SBF2: variants seen among roughly 807,000 people sequenced by gnomAD.
SBF2 encodes the protein SET binding factor 2, also known as myotubularin-related protein 13.
In SBF2, 112 loss-of-function variants were observed where a neutral mutation model predicts 225.2. The observed-to-expected ratio is 0.50, with a 90% confidence interval of 0.43 to 0.58. SBF2 has a LOEUF of 0.58. SBF2 is among the 20% of genes least tolerant of loss of function. The pLI is 0.00. For synonymous variants in SBF2, 763 were observed against 773.3 expected, an observed-to-expected ratio of 0.99 and a Z score of 0.22; for missense variants, 1,996 against 2,206.2, an observed-to-expected ratio of 0.90 and a Z score of 1.91.
At chr11:9,781,863 A>C (rs561079270) in intron 38 of SBF2, among the ~76,000 whole-genome samples, 1 of 152,354 alleles carries the variant, frequency 6.6e-6, no homozygotes, top group African/African-American at 2.4e-5. Flanking sequence ...TTGAAAATCA[A>C]ACAAATAAAT....
rs765023759 is a variant in SBF2, at chr11:9,993,112, A to G, written c.1054-9T>C. On this transcript the variant is annotated splice_polypyrimidine_tract_variant and intron_variant, in intron 10 of 39. Transcript: ENST00000256190. ...GCTCGCACCTCTTTATCCTAAAAATATAAGAAGAAATGTTAGGTAATTTAA... is the reference window on the plus strand; with the variant it reads ...GCTCGCACCTCTTTATCCTAAAAATGTAAGAAGAAATGTTAGGTAATTTAA... The G allele has an allele frequency of 2.5e-6, 4 of 1,577,844 alleles. No individual in the cohort carries two copies. The highest frequency in any genetic ancestry group is 1.7e-4 in the Middle Eastern group (1 of 6,010).
intron 2 of SBF2, among the ~76,000 whole-genome samples, chr11:10,088,151 G>C (rs1369541354): frequency 2.0e-5 from 3 of 151,762 alleles, no homozygotes; most frequent in African/African-American, 7.3e-5. Flanking sequence ...AGCCTCCTGA[G>C]TAGCTGAGAC....
At chr11:10,085,440 A>G (rs1052591042) in intron 2 of SBF2, among the ~76,000 whole-genome samples, 2 of 151,972 alleles carry the variant, frequency 1.3e-5, no homozygotes, top group Admixed American at 6.6e-5. Flanking sequence ...ATTTTATTTC[A>G]TGTACTAATT....
At chr11:10,288,305 G>T (rs760229389) in intron 1 of SBF2, among the ~76,000 whole-genome samples, 1 of 152,186 alleles carries the variant, frequency 6.6e-6, no homozygotes, top group Non-Finnish European at 1.5e-5. Context: ...GACAACAAAT[G>T]GAGGGTGAGC....
At chr11:9,905,017 C>A (rs962654482) in intron 16 of SBF2, among the ~76,000 whole-genome samples, 1 of 152,178 alleles carries the variant, frequency 6.6e-6, no homozygotes, top group African/African-American at 2.4e-5. Context: ...AAGCAAGACC[C>A]TGTCTCAAGA....
intron 1 of SBF2, among the ~76,000 whole-genome samples, chr11:10,223,942 T>C (rs558491292): frequency 3.3e-5 from 5 of 152,280 alleles, no homozygotes; most frequent in African/African-American, 1.2e-4. Context: ...TACTTCAGTA[T>C]ATTTTATGCA....
intron 19 of SBF2, 127 bp from the exon 20 acceptor site, chr11:9,853,839 T>C: frequency 1.1e-6 from 1 of 875,158 alleles, no homozygotes; most frequent in Non-Finnish European, 1.9e-6. Context: ...GAAGGCTCAC[T>C]TAACTCCATG....
At chr11:9,986,874 T>G (rs1427622937) in intron 13 of SBF2, among the ~76,000 whole-genome samples, 4 of 152,174 alleles carry the variant, frequency 2.6e-5, no homozygotes, top group African/African-American at 9.7e-5. Context: ...CCAATCCTTT[T>G]GACACTATTC....
intron 2 of SBF2, among the ~76,000 whole-genome samples, chr11:10,138,873 A>G (rs572284908): frequency 5.5e-4 from 83 of 152,292 alleles, no homozygotes; most frequent in Non-Finnish European, 8.8e-4. Flanking sequence ...TGTATTTACC[A>G]TGAACATTTG....
chr11:10,257,884 G>A (rs1486490995), intron 1 of SBF2, among the ~76,000 whole-genome samples: 2 of 151,866 alleles, frequency 1.3e-5, no homozygotes, highest in African/African-American at 4.8e-5. Flanking sequence ...TTGAGCCCAG[G>A]AGGCAGAGGT....
intron 27 of SBF2, among the ~76,000 whole-genome samples, chr11:9,830,943 C>T (rs2403222): frequency 0.53 from 80,634 of 151,970 alleles, 23,656 homozygotes; most frequent in Non-Finnish European, 0.67. Context: ...TCGGTGCTCC[C>T]AAAATCATTC....
intron 14 of SBF2, among the ~76,000 whole-genome samples, chr11:9,967,947 GTCTCTCTCTC>G (rs1214352340): frequency 5.0e-5 from 5 of 100,252 alleles, no homozygotes; most frequent in East Asian, 4.1e-4. Context: ...CTGTCTGTCT[GTCTCTCTCTC>G]TCTCTCTCTC....
At chr11:9,871,460 C>T (rs1350573917) in intron 17 of SBF2, among the ~76,000 whole-genome samples, 1 of 114,398 alleles carries the variant, frequency 8.7e-6, no homozygotes, top group East Asian at 2.2e-4. Flanking sequence ...TCACACCAGA[C>T]AGGATGACGC....
At chr11:9,895,781 T>G (rs1861203178) in intron 17 of SBF2, among the ~76,000 whole-genome samples, 162 bp downstream of exon 17, 1 of 152,206 alleles carries the variant, frequency 6.6e-6, no homozygotes, top group Admixed American at 6.5e-5. Flanking sequence ...ATATTAAATT[T>G]CCTACACATA....
chr11:9,810,449 A>G (rs997907646), intron 30 of SBF2: 11 of 152,334 alleles, frequency 7.2e-5, no homozygotes, highest in Non-Finnish European at 1.3e-4. Context: ...GATGTATAAC[A>G]TTGTAATTTT....
intron 36 of SBF2, among the ~76,000 whole-genome samples, chr11:9,785,718 A>T (rs1852328736): frequency 6.6e-6 from 1 of 152,128 alleles, no homozygotes; most frequent in Non-Finnish European, 1.5e-5. Context: ...TTTAAAAATG[A>T]GCCAGGTATG....
chr11:9,991,860 G>A (rs1418359202), intron 12 of SBF2, among the ~76,000 whole-genome samples: 2 of 152,104 alleles, frequency 1.3e-5, no homozygotes, highest in African/African-American at 2.4e-5. Flanking sequence ...CTTAAACTAT[G>A]GCTCTATGAT....
chr11:10,078,115 G>A (rs1174559791), intron 2 of SBF2, among the ~76,000 whole-genome samples: 2 of 152,150 alleles, frequency 1.3e-5, no homozygotes, highest in Admixed American at 6.5e-5. Flanking sequence ...TTAGAATGGC[G>A]ATCATTAAAA....
chr11:10,165,611 C>A (rs971734401), intron 2 of SBF2, among the ~76,000 whole-genome samples: 1 of 152,084 alleles, frequency 6.6e-6, no homozygotes, highest in Non-Finnish European at 1.5e-5. Flanking sequence ...TACACTGTAC[C>A]AGCACTAAAC....
Sources: gnomAD v4.1 joint callset for allele counts (sites outside exome capture counted in the v4.1 genomes callset) on GRCh38, gnomAD v4.1.1 for gene constraint, MANE v1.5 for transcripts, NCBI Gene and HGNC (gene_info 2026-07-23, HGNC 2026-07-21) for gene names.